The following PCDH15 variants were observed in gnomAD, a reference collection of about 807,000 sequenced individuals.
PCDH15 encodes the protein protocadherin related 15.
PCDH15 carries 129 observed loss-of-function variants against 178.5 expected under a neutral mutation model. That is an observed-to-expected ratio of 0.72 (90% CI 0.63 to 0.84). PCDH15 has a LOEUF of 0.84. PCDH15 is among the 40% of genes least tolerant of loss of function. PCDH15 has a pLI of 0.00. For missense variants in PCDH15, 2,230 were observed against 2,099.9 expected, an observed-to-expected ratio of 1.06 and a Z score of -1.21; for synonymous variants, 800 against 732.0, an observed-to-expected ratio of 1.09 and a Z score of -1.50.
intron 26 of PCDH15, among the ~76,000 whole-genome samples, chr10:53,876,411 C>T (rs981242145): frequency 5.1e-4 from 77 of 152,066 alleles, no homozygotes; most frequent in African/African-American, 1.8e-3. Flanking sequence ...TGGTCTTGAT[C>T]TCCTGACCTC....
intron 2 of PCDH15, among the ~76,000 whole-genome samples, chr10:54,532,629 A>G (rs570595083): frequency 1.3e-5 from 2 of 152,292 alleles, no homozygotes; most frequent in Admixed American, 6.5e-5. Context: ...AATTTGTAAC[A>G]ATAAAATTAA....
chr10:54,338,844 C>T (rs7082643), intron 6 of PCDH15, among the ~76,000 whole-genome samples: 10,823 of 151,948 alleles, frequency 0.071, 501 homozygotes, highest in African/African-American at 0.12. Context: ...GCTGAATAAA[C>T]ATGCCTCCAG....
chr10:55,073,898 T>C (rs1001957867), intron 2 of PCDH15, among the ~76,000 whole-genome samples: 8 of 151,996 alleles, frequency 5.3e-5, no homozygotes, highest in Non-Finnish European at 1.0e-4. Flanking sequence ...GTGTATGTTG[T>C]TCCCCTCCCT....
chr10:55,626,530 T>G (rs1033082070), intron 2 of PCDH15, among the ~76,000 whole-genome samples: 1 of 152,204 alleles, frequency 6.6e-6, no homozygotes, highest in African/African-American at 2.4e-5. Context: ...CAGGCACTGA[T>G]TTTTCATTAA....
chr10:55,626,178 T>TAAATAAATAAATAAATAAATAAATAAATA (rs1554807544), intron 2 of PCDH15, among the ~76,000 whole-genome samples: 6 of 151,086 alleles, frequency 4.0e-5, no homozygotes, highest in African/African-American at 1.5e-4. Flanking sequence ...AATAAATAAA[T>TAAATAAATAAATAAATAAATAAATAAATA]AAATAAAATA....
intron 2 of PCDH15, among the ~76,000 whole-genome samples, chr10:55,037,382 G>A (rs1324765965): frequency 1.3e-5 from 2 of 151,754 alleles, no homozygotes; most frequent in Non-Finnish European, 2.9e-5. Context: ...TACAGGCGCC[G>A]GCTACCATGC....
intron 2 of PCDH15, among the ~76,000 whole-genome samples, chr10:54,583,585 G>A (rs7099058): frequency 0.93 from 141,551 of 152,128 alleles, 66,206 homozygotes; most frequent in Middle Eastern, 0.98. Flanking sequence ...TAGGGTTAAT[G>A]GTATCCAAAC....
At chr10:54,053,773 G>A (rs1188672165) in intron 18 of PCDH15, among the ~76,000 whole-genome samples, 1 of 152,104 alleles carries the variant, frequency 6.6e-6, no homozygotes, top group Non-Finnish European at 1.5e-5. Context: ...ACCATATTGT[G>A]TACTTAAGTT....
chr10:55,428,041 T>C (rs1838797885), intron 2 of PCDH15, among the ~76,000 whole-genome samples: 1 of 152,066 alleles, frequency 6.6e-6, no homozygotes, highest in African/African-American at 2.4e-5. Flanking sequence ...ATTTTACGTT[T>C]TTTGATACTT....
intron 3 of PCDH15, among the ~76,000 whole-genome samples, chr10:54,463,178 A>G (rs2077306037): frequency 6.6e-6 from 1 of 152,192 alleles, no homozygotes; most frequent in Non-Finnish European, 1.5e-5. Context: ...GTGAATGCCA[A>G]TAGGCCAGTA....
At chr10:54,879,068 A>G (rs1199574176) in intron 3 of PCDH15, among the ~76,000 whole-genome samples, 1 of 152,186 alleles carries the variant, frequency 6.6e-6, no homozygotes, top group Non-Finnish European at 1.5e-5. Context: ...AAATGTTAAC[A>G]TTTGACAATT....
rs557110326 is a variant in PCDH15, at chr10:54,220,482, C to T, written c.986-6434G>A. Reference sequence around the variant, plus strand: ...AGTGAATTAGACACTTTGGCTTCATCGGCCATCTGTTTCTGGAAGGTTGGT... The same window carrying T: ...AGTGAATTAGACACTTTGGCTTCATTGGCCATCTGTTTCTGGAAGGTTGGT... On this transcript the variant is annotated intron_variant, in intron 9 of 37. Coordinates refer to ENST00000644397, the MANE Select transcript of PCDH15 (RefSeq NM_001384140.1). 1.2e-3 allele frequency among the ~76,000 whole-genome samples: 180 copies of T among 152,294 alleles called. No individual in the cohort carries two copies. The Middle Eastern group carries it at 0.02, about 17-fold the overall frequency.
rs562355701 is a variant in PCDH15, at chr10:54,637,125, C to CAA, written c.91+27045_91+27046dup. Among the ~76,000 whole-genome samples, 262 of 76,832 alleles carry CAA rather than the reference C, an allele frequency of 3.4e-3. 2 individuals carry two copies. The highest frequency in any genetic ancestry group is 9.3e-3 in the African/African-American group (230 of 24,732). The allele number at this position is 76,832 out of a possible 152,430, so 50.4% of individuals were successfully genotyped here. ...CAAGACTCAACTAAGAATCAATCTTCAAAAAAAAAAAAAAAACAATTCAGG... is the reference window on the plus strand; with the variant it reads ...CAAGACTCAACTAAGAATCAATCTTCAAAAAAAAAAAAAAAAAACAATTCAGG... On this transcript the variant is annotated intron_variant, in intron 2 of 37. Transcript: ENST00000644397.
intron 20 of PCDH15, among the ~76,000 whole-genome samples, chr10:54,007,743 C>T (rs73233657): frequency 0.015 from 2,212 of 152,246 alleles, 59 homozygotes; most frequent in African/African-American, 0.052. Flanking sequence ...AGGCATTAAA[C>T]ACTTCATCTT....
At chr10:54,949,753 T>C (rs1257387387) in intron 2 of PCDH15, among the ~76,000 whole-genome samples, 5 of 151,884 alleles carry the variant, frequency 3.3e-5, no homozygotes, top group African/African-American at 4.8e-5. Flanking sequence ...ACACCCTAAA[T>C]CATCTCTCTC....
At chr10:54,123,622 A>C (rs945987347) in intron 15 of PCDH15, among the ~76,000 whole-genome samples, 26 of 152,178 alleles carry the variant, frequency 1.7e-4, no homozygotes. Context: ...GAGATTTCTC[A>C]AAGAACTAAA....
At chr10:53,821,588 TA>T (rs886047056) in intron 32 of PCDH15, 3 of 1,170,660 alleles carry the variant, frequency 2.6e-6, no homozygotes, top group Non-Finnish European at 3.2e-6. Context: ...ATATTCCCAC[TA>T]AAAAAGAGAT....
intron 1 of PCDH15, among the ~76,000 whole-genome samples, chr10:55,265,334 A>G (rs1842260417): frequency 6.6e-6 from 1 of 151,504 alleles, no homozygotes; most frequent in South Asian, 2.1e-4. Flanking sequence ...ATATAGACAT[A>G]GAGATATATC....
At chr10:54,414,418 A>G (rs760164058) in intron 3 of PCDH15, among the ~76,000 whole-genome samples, 2 of 152,152 alleles carry the variant, frequency 1.3e-5, no homozygotes, top group Non-Finnish European at 2.9e-5. Context: ...CTATAAAAAG[A>G]AAGTTATTAA....
Sources: gnomAD v4.1 joint callset for allele counts (sites outside exome capture counted in the v4.1 genomes callset) on GRCh38, gnomAD v4.1.1 for gene constraint, MANE v1.5 for transcripts, NCBI Gene and HGNC (gene_info 2026-07-23, HGNC 2026-07-21) for gene names.